NALF1: variants seen among roughly 807,000 people sequenced by gnomAD.
NALF1 encodes the protein NALCN channel auxiliary factor 1.
NALF1 carries 3 observed loss-of-function variants against 48.4 expected under a neutral mutation model. The observed-to-expected ratio is 0.06, with a 90% CI of 0.03 to 0.16. NALF1 has a LOEUF of 0.16. NALF1 is among the 10% of genes least tolerant of loss of function. NALF1 has a pLI of 1.00. For missense variants in NALF1, 526 were observed against 571.5 expected (o/e 0.92, Z 0.81); for synonymous variants, 262 against 245.7 (o/e 1.07, Z -0.62).
At chr13:107,720,026 C>T (rs1566456427) in intron 1 of NALF1, among the ~76,000 whole-genome samples, 1 of 152,144 alleles carries the variant, frequency 6.6e-6, no homozygotes, top group Non-Finnish European at 1.5e-5. Context: ...CCAATATACT[C>T]CCATCTTTCT....
chr13:107,645,288 G>A (rs1406242053), intron 1 of NALF1, among the ~76,000 whole-genome samples: 1 of 152,102 alleles, frequency 6.6e-6, no homozygotes. Context: ...TAACCAATCT[G>A]AAGGATATAG....
At chr13:107,591,757 T>C (rs1393726982) in intron 1 of NALF1, among the ~76,000 whole-genome samples, 3 of 152,056 alleles carry the variant, frequency 2.0e-5, no homozygotes, top group Non-Finnish European at 4.4e-5. Flanking sequence ...AACGCGAAGA[T>C]ATATTTAACT....
At chr13:107,747,149 A>G (rs1444762044) in intron 1 of NALF1, among the ~76,000 whole-genome samples, 2 of 152,180 alleles carry the variant, frequency 1.3e-5, no homozygotes, top group Non-Finnish European at 2.9e-5. Flanking sequence ...TTCTTGGGCA[A>G]TTTTAATTTC....
At chr13:107,864,215 ACTTGT>A in intron 1 of NALF1, among the ~76,000 whole-genome samples, 1 of 152,328 alleles carries the variant, frequency 6.6e-6, no homozygotes, top group East Asian at 1.9e-4. Flanking sequence ...TTTAAGATAC[ACTTGT>A]CTAGTGAAGT....
intron 1 of NALF1, among the ~76,000 whole-genome samples, chr13:107,381,965 C>T (rs2138974828): frequency 6.6e-6 from 1 of 152,266 alleles, no homozygotes; most frequent in Admixed American, 6.5e-5. Flanking sequence ...ACTCACCCTA[C>T]TGCTCAGGGA....
At chr13:107,790,941 A>T (rs1402471705) in intron 1 of NALF1, among the ~76,000 whole-genome samples, 3 of 152,226 alleles carry the variant, frequency 2.0e-5, no homozygotes, top group South Asian at 2.1e-4. Flanking sequence ...GAAAAATCAT[A>T]AGACAGTATA....
chr13:107,707,394 G>A (rs1875428435), intron 1 of NALF1, among the ~76,000 whole-genome samples: 1 of 152,100 alleles, frequency 6.6e-6, no homozygotes, highest in African/African-American at 2.4e-5. Context: ...AATTGTTTTG[G>A]CCGCCTCACT....
chr13:107,534,981 A>G (rs1429177733), intron 1 of NALF1, among the ~76,000 whole-genome samples: 1 of 152,018 alleles, frequency 6.6e-6, no homozygotes, highest in Admixed American at 6.6e-5. Context: ...TTTTTAAAGG[A>G]GTGTTTCTGT....
At chr13:107,816,880 G>A (rs1431762068) in intron 1 of NALF1, among the ~76,000 whole-genome samples, 4 of 152,222 alleles carry the variant, frequency 2.6e-5, no homozygotes, top group South Asian at 2.1e-4. Flanking sequence ...AAAACAAAAC[G>A]TAGGTCTGCC....
chr13:107,325,619 C>G (rs961005707), intron 1 of NALF1, among the ~76,000 whole-genome samples: 143 of 151,904 alleles, frequency 9.4e-4, no homozygotes, highest in African/African-American at 3.3e-3. Flanking sequence ...GGGTAGATCA[C>G]TTGAGGTCAG....
chr13:107,505,199 A>G (rs1875655850), intron 1 of NALF1, among the ~76,000 whole-genome samples: 1 of 152,210 alleles, frequency 6.6e-6, no homozygotes, highest in Non-Finnish European at 1.5e-5. Flanking sequence ...GGATGTTCCT[A>G]GCAGACAATA....
intron 1 of NALF1, among the ~76,000 whole-genome samples, chr13:107,527,273 C>A (rs1055514533): frequency 6.6e-6 from 1 of 152,022 alleles, no homozygotes; most frequent in Non-Finnish European, 1.5e-5. Flanking sequence ...CTTACCTTGG[C>A]TCCTTTGTGA....
At chr13:107,778,193 T>C (rs941107847) in intron 1 of NALF1, among the ~76,000 whole-genome samples, 7 of 152,154 alleles carry the variant, frequency 4.6e-5, no homozygotes, top group African/African-American at 1.7e-4. Flanking sequence ...AAAACTCCCC[T>C]GCAAACTGAG....
At chr13:107,722,136 T>C (rs904053861) in intron 1 of NALF1, among the ~76,000 whole-genome samples, 2 of 152,082 alleles carry the variant, frequency 1.3e-5, no homozygotes, top group Non-Finnish European at 2.9e-5. Context: ...AGGTTAAAAG[T>C]TCGGTAAATC....
chr13:107,720,255 T>C (rs1475705901), intron 1 of NALF1, among the ~76,000 whole-genome samples: 1 of 152,210 alleles, frequency 6.6e-6, no homozygotes, highest in Non-Finnish European at 1.5e-5. Context: ...CTCATGCCTG[T>C]AATCCCAGCA....
In NALF1 at chr13:107,164,029, T is replaced by C. The variant is rs1878610459; in HGVS notation, c.*6468A>G. On this transcript the variant is annotated 3_prime_UTR_variant, in exon 3 of 3. Coordinates refer to ENST00000375915, the MANE Select transcript of NALF1 (RefSeq NM_001080396.3). ...AGTAGAAAATGGCCATAAGTTGAAA[T>C]TTGCGTTTCGGTAAAAATGACCTTC... The C allele has an allele frequency of 6.6e-6, 1 of 152,180 alleles. No homozygotes were observed. The highest frequency in any genetic ancestry group is 1.5e-5 in the Non-Finnish European group (1 of 68,028). 9.4% of individuals were successfully genotyped at this position (152,180 alleles called of 1,614,324 possible).
At position 107,664,894 on chromosome 13, in the gene NALF1, C is replaced by G. The variant is rs9559128; in HGVS notation, c.915+200788G>C. 0.017 allele frequency among the ~76,000 whole-genome samples: 2,655 copies of G among 152,084 alleles called. 145 individuals are homozygous for G. The East Asian group carries it at 0.2, about 12-fold the overall frequency. Reference sequence around the variant, plus strand: ...CCAGGGGTTTTTGTCCTCTTCTTCACATCCTACTCCAGCTCTTTGGTTTCA... The same window carrying G: ...CCAGGGGTTTTTGTCCTCTTCTTCAGATCCTACTCCAGCTCTTTGGTTTCA... On this transcript the variant is annotated intron_variant, in intron 1 of 2. Transcript: ENST00000375915.
chr13:107,386,812 T>G (rs2138979188), intron 1 of NALF1, among the ~76,000 whole-genome samples: 1 of 152,218 alleles, frequency 6.6e-6, no homozygotes, highest in South Asian at 2.1e-4. Context: ...TGCCGAGAGC[T>G]TAGAGGCCAA....
rs575507618 is a variant in NALF1, at chr13:107,360,375, T to G, written c.916-149620A>C. On this transcript the variant is annotated intron_variant, in intron 1 of 2. Coordinates refer to ENST00000375915, the MANE Select transcript of NALF1 (RefSeq NM_001080396.3). ...CTTCACTTCAAGATCAAAAACCCATTGGAATCATCAAATCCATTTGAGGAT... is the reference window on the plus strand; with the variant it reads ...CTTCACTTCAAGATCAAAAACCCATGGGAATCATCAAATCCATTTGAGGAT... Among the ~76,000 whole-genome samples the G allele has an allele frequency of 8.5e-5, 13 of 152,252 alleles. No homozygotes were observed. The South Asian group carries it at 2.7e-3, about 32-fold the overall frequency.
Sources: allele counts gnomAD v4.1 joint callset (sites outside exome capture counted in the v4.1 genomes callset), GRCh38; gene constraint gnomAD v4.1.1; transcripts MANE v1.5; gene names NCBI Gene and HGNC (gene_info 2026-07-23, HGNC 2026-07-21).